Variants in CDH22 observed in about 807,000 individuals in gnomAD.
CDH22 encodes cadherin-22.
In CDH22, 30 loss-of-function variants were observed where a neutral mutation model predicts 58.4. The observed-to-expected ratio is 0.51, with a 90% CI of 0.38 to 0.70. The LOEUF (loss-of-function observed/expected upper bound fraction) is 0.70, where lower values mean the gene tolerates loss of function less well. CDH22 is among the 30% of genes least tolerant of loss of function. The pLI is 0.00. For synonymous variants in CDH22, 513 were observed against 558.2 expected (o/e 0.92, Z 1.14); for missense variants, 1,014 against 1,233.9 (o/e 0.82, Z 2.67).
At chr20:46,270,519 G>C (rs1178700934) in intron 1 of CDH22, among the ~76,000 whole-genome samples, 4 of 152,154 alleles carry the variant, frequency 2.6e-5, no homozygotes, top group Non-Finnish European at 5.9e-5. Flanking sequence ...AGAAAGGGGG[G>C]CGAGACTGGC....
At chr20:46,289,432 G>A (rs2086590815) in intron 1 of CDH22, among the ~76,000 whole-genome samples, 1 of 152,150 alleles carries the variant, frequency 6.6e-6, no homozygotes, top group African/African-American at 2.4e-5. Flanking sequence ...GCTTGATGCT[G>A]TATTCCCAGC....
At position 46,210,323 on chromosome 20, in the gene CDH22, C is replaced by T. The variant is rs1187606056; in HGVS notation, c.1270G>A (p.Ala424Thr). The T allele has an allele frequency of 4.8e-6, 7 of 1,449,378 alleles. 1 individual carries two copies. The highest frequency in any genetic ancestry group is 1.4e-5 in the South Asian group (1 of 73,946). 89.8% of individuals were successfully genotyped at this position (1,449,378 alleles called of 1,614,324 possible). A position where few individuals can be genotyped will look rare whatever the true frequency, so the allele number is the denominator to read the frequency against. Reference protein sequence around the residue: ...GVVTARDPDAANRPVRYAIDR... With the variant: ...GVVTARDPDATNRPVRYAIDR... Reference sequence around the variant, plus strand: ...GGGTCTCACCGGACGGGCCGGTTGGCGGCGTCGGGGTCCCGCGCCGTCACC... The same window carrying T: ...GGGTCTCACCGGACGGGCCGGTTGGTGGCGTCGGGGTCCCGCGCCGTCACC... The change falls in exon 7 of 12, where the codon GCC becomes ACC. Residue 424 changes from alanine to threonine, a missense_variant. Coordinates refer to ENST00000537909, the MANE Select transcript of CDH22 (RefSeq NM_021248.3). The surrounding 1 kb of genome is among the most constrained non-coding windows in gnomAD (Gnocchi z 4.5).
intron 1 of CDH22, among the ~76,000 whole-genome samples, chr20:46,267,608 C>T (rs556529976): frequency 5.0e-4 from 76 of 152,348 alleles, no homozygotes; most frequent in Admixed American, 1.0e-3. Context: ...AATGGCGTCT[C>T]CCAACTCTCC....
intron 1 of CDH22, among the ~76,000 whole-genome samples, chr20:46,288,604 C>T (rs1396101494): frequency 1.3e-5 from 2 of 152,176 alleles, no homozygotes; most frequent in African/African-American, 4.8e-5. Context: ...AGTCCTACCC[C>T]CAACCACACA....
chr20:46,220,835 C>G (rs2086118771), intron 4 of CDH22: 1 of 152,388 alleles, frequency 6.6e-6, no homozygotes, highest in Non-Finnish European at 1.5e-5. Flanking sequence ...GTTGGGCCCC[C>G]TGGGCCTTGT....
intron 7 of CDH22, among the ~76,000 whole-genome samples, chr20:46,203,675 T>C (rs926161184): frequency 6.6e-6 from 1 of 152,234 alleles, no homozygotes; most frequent in Non-Finnish European, 1.5e-5. Flanking sequence ...GAATGGGAAC[T>C]ATTGTCACTG....
intron 10 of CDH22, among the ~76,000 whole-genome samples, chr20:46,184,819 A>C (rs993039491): frequency 1.3e-5 from 2 of 152,144 alleles, no homozygotes; most frequent in Non-Finnish European, 2.9e-5. Context: ...TGAGGCTTAG[A>C]GAGGAACAGG....
At chr20:46,239,959 G>A (rs954644192) in intron 3 of CDH22, among the ~76,000 whole-genome samples, 2 of 152,310 alleles carry the variant, frequency 1.3e-5, no homozygotes, top group African/African-American at 2.4e-5. Context: ...TCTACACAGA[G>A]ATGTATATTT....
chr20:46,241,518 C>G lies in CDH22; in HGVS notation c.256-261G>C, dbSNP rs2086290082. Among the ~76,000 whole-genome samples, 1 of 152,206 alleles carries G rather than the reference C, an allele frequency of 6.6e-6. No individual in the cohort carries two copies. Among genetic ancestry groups the G allele is most frequent in the South Asian group, 2.1e-4 (1 of 4,830 alleles). On this transcript the variant is annotated intron_variant, in intron 2 of 11. Transcript: ENST00000537909. This position sits in a 1 kb window ranked among gnomAD's most constrained non-coding sequence, Gnocchi z 5.2. ...AGAGCTATCAGCCTTGGAGGCAGAT[C>G]TGAACATGGCCTCCCTGCTTACAAC...
Position 46,178,168 on chromosome 20 carries a change from C to T in CDH22, c.1693G>A (p.Val565Met), listed in dbSNP as rs771302958. ...DNTAAVHTQH[V>M]GFNRQEQDVF... is the part of the protein sequence containing the mutation. ...TCCTGCTCCTGCCGGTTGAAGCCCA[C>T]GTGCTGCGTGTGCACTGCAGCGGTG... Residue 565 changes from valine (V) to methionine (M), a missense_variant, in exon 11 of 12, where the codon GTG becomes ATG. Around this residue, in one of 2 missense-constraint regions of CDH22, gnomAD observed 806 missense variants for 1,038.7 expected, o/e 0.78. Transcript: ENST00000537909. 4.3e-6 allele frequency: 7 copies of T among 1,613,804 alleles called. No individual in the cohort carries two copies. Among genetic ancestry groups the T allele is most frequent in the Admixed American group, 3.3e-5 (2 of 59,998 alleles).
Position 46,175,082 on chromosome 20 carries a change from G to T in CDH22, c.1916-5C>A. 1 of 1,575,972 alleles carries T rather than the reference G, an allele frequency of 6.3e-7. No homozygotes were observed. Reference sequence around the variant, plus strand: ...TGAGGATCAGCAGCACCAGCACTGCGAGGGGGACAGAGGGGGCAACTGAGG... The same window carrying T: ...TGAGGATCAGCAGCACCAGCACTGCTAGGGGGACAGAGGGGGCAACTGAGG... On this transcript the variant is annotated splice_region_variant and splice_polypyrimidine_tract_variant and intron_variant, in intron 11 of 11. Transcript: ENST00000537909.
In CDH22 at chr20:46,175,025, G is replaced by A; in HGVS notation, c.1968C>T (p.Ser656=). 2 of 1,609,890 alleles carry A rather than the reference G, an allele frequency of 1.2e-6. No individual in the cohort carries two copies. Among genetic ancestry groups the A allele is most frequent in the African/African-American group, 2.7e-5 (2 of 74,968 alleles). The change falls in exon 12 of 12, where the codon AGC becomes AGT. Residue 656 remains serine (S), a synonymous_variant. Coordinates refer to ENST00000537909, the MANE Select transcript of CDH22 (RefSeq NM_021248.3). ...TLRRHHKSHL[S]SDEDEDMRDN... ...CCCGCATGTCTTCATCCTCGTCCGA[G>A]CTCAGGTGGCTCTTGTGGTGGCGCC...
intron 1 of CDH22, among the ~76,000 whole-genome samples, chr20:46,271,181 C>G (rs982172027): frequency 6.6e-6 from 1 of 152,194 alleles, no homozygotes; most frequent in Non-Finnish European, 1.5e-5. Flanking sequence ...TTTATCAAAG[C>G]CCCATCACAG....
chr20:46,250,968 G>A (rs2086367667), intron 2 of CDH22, 72 bp downstream of exon 2: 4 of 910,798 alleles, frequency 4.4e-6, no homozygotes, highest in Non-Finnish European at 7.2e-6. Context: ...AGGTGAACAA[G>A]GGTTTCTTGT....
At chr20:46,260,727 A>G (rs1018337550) in intron 1 of CDH22, among the ~76,000 whole-genome samples, 2 of 152,188 alleles carry the variant, frequency 1.3e-5, no homozygotes, top group African/African-American at 2.4e-5. Flanking sequence ...TGATTTCTCA[A>G]TGCTCTGGCA....
chr20:46,179,112 C>T (rs1030171046), intron 10 of CDH22, among the ~76,000 whole-genome samples: 2 of 152,244 alleles, frequency 1.3e-5, no homozygotes, highest in African/African-American at 4.8e-5. Flanking sequence ...CACACCTGTT[C>T]TGTAGGAGTC....
At chr20:46,230,648 G>C (rs1055238168) in intron 3 of CDH22, among the ~76,000 whole-genome samples, 1 of 152,072 alleles carries the variant, frequency 6.6e-6, no homozygotes, top group African/African-American at 2.4e-5. Context: ...TATGATATAA[G>C]CCCTTTTTGT....
chr20:46,293,606 C>T lies in CDH22; in HGVS notation c.-400+14649G>A, dbSNP rs1000212755. On this transcript the variant is annotated intron_variant, in intron 1 of 11. Coordinates refer to ENST00000537909, the MANE Select transcript of CDH22 (RefSeq NM_021248.3). ...CCAAATTGTCCACAACCCTATTCCA[C>T]GAAGTCCTCTGACTAAAGAAACCAG... 7.2e-5 allele frequency among the ~76,000 whole-genome samples: 11 copies of T among 152,132 alleles called. No individual in the cohort carries two copies. In the East Asian group the frequency reaches 7.7e-4, roughly 11 times the overall value.
intron 7 of CDH22, among the ~76,000 whole-genome samples, chr20:46,203,313 G>T (rs1435887738): frequency 2.0e-5 from 3 of 149,602 alleles, no homozygotes; most frequent in Non-Finnish European, 4.5e-5. Context: ...ACTGTGGCCT[G>T]GCAAACTTAG....
Sources: allele counts gnomAD v4.1 joint callset (sites outside exome capture counted in the v4.1 genomes callset), GRCh38; gene constraint gnomAD v4.1.1; regional missense constraint gnomAD v4.1.1; non-coding constraint Gnocchi (gnomAD v3.1); transcripts MANE v1.5; gene names NCBI Gene and HGNC (gene_info 2026-07-23, HGNC 2026-07-21).